The following SEMA3C variants were observed in gnomAD, a reference collection of about 807,000 sequenced individuals.
SEMA3C encodes semaphorin-3C.
In SEMA3C, 47 loss-of-function variants were observed where a neutral mutation model predicts 89.4. The observed-to-expected ratio is 0.53, with a 90% CI of 0.42 to 0.67. The LOEUF is 0.67. Among genes scored for constraint, SEMA3C ranks in the 30% least tolerant of loss-of-function variants. SEMA3C has a pLI of 0.00. For missense variants in SEMA3C, 839 were observed against 929.1 expected, an observed-to-expected ratio of 0.90 and a Z score of 1.26; for synonymous variants, 310 against 320.2, an observed-to-expected ratio of 0.97 and a Z score of 0.34.
At chr7:80,871,823 AT>A (rs1470653575) in intron 2 of SEMA3C, among the ~76,000 whole-genome samples, 1 of 152,202 alleles carries the variant, frequency 6.6e-6, no homozygotes, top group African/African-American at 2.4e-5. Flanking sequence ...TCAAAGAACT[AT>A]TTTTTGGTCT....
chr7:80,908,483 C>T (rs543031274), intron 2 of SEMA3C, among the ~76,000 whole-genome samples: 4 of 152,278 alleles, frequency 2.6e-5, no homozygotes, highest in South Asian at 2.1e-4. Flanking sequence ...AGATTCTGCT[C>T]GCTCTTTGGC....
intron 2 of SEMA3C, among the ~76,000 whole-genome samples, chr7:80,865,802 A>G (rs879794952): frequency 2.6e-5 from 4 of 152,216 alleles, no homozygotes; most frequent in Admixed American, 2.6e-4. Flanking sequence ...TCAGAAAAAA[A>G]TAAAATAAAA....
chr7:80,806,205 G>T (rs1166782501), intron 6 of SEMA3C, among the ~76,000 whole-genome samples: 1 of 152,084 alleles, frequency 6.6e-6, no homozygotes, highest in Non-Finnish European at 1.5e-5. Context: ...CTGGGAACTA[G>T]TGCTAAGCTA....
At chr7:80,911,806 T>C (rs1792157494) in intron 2 of SEMA3C, among the ~76,000 whole-genome samples, 1 of 152,044 alleles carries the variant, frequency 6.6e-6, no homozygotes, top group Non-Finnish European at 1.5e-5. Context: ...GCTAATTTTT[T>C]GTATTTTTAG....
At chr7:80,804,280 T>C (rs1361191969) in intron 7 of SEMA3C, 32 bp from the exon 8 acceptor site, 2 of 1,466,246 alleles carry the variant, frequency 1.4e-6, no homozygotes, top group Non-Finnish European at 9.1e-7. Context: ...TAGGTATATA[T>C]TCATTATGAA....
intron 12 of SEMA3C, among the ~76,000 whole-genome samples, chr7:80,777,490 C>T (rs150203105): frequency 0.11 from 16,414 of 152,106 alleles, 1,009 homozygotes; most frequent in Non-Finnish European, 0.14. Flanking sequence ...CGGGGTTTTG[C>T]CATGTTGGCC....
rs367651883 is a variant in SEMA3C, at chr7:80,896,677, G to C, written c.103+20002C>G. On this transcript the variant is annotated intron_variant, in intron 2 of 17. Transcript: ENST00000265361. ...CTCTTGTGACCCTCCATCAGTCCTGGTTGTTGTTTCTTCACAACTTGCTGT... is the reference window on the plus strand; with the variant it reads ...CTCTTGTGACCCTCCATCAGTCCTGCTTGTTGTTTCTTCACAACTTGCTGT... Among the ~76,000 whole-genome samples, 281 of 152,214 alleles carry C rather than the reference G, an allele frequency of 1.8e-3. 1 individual carries two copies. Among genetic ancestry groups the C allele is most frequent in the African/African-American group, 6.4e-3 (265 of 41,532 alleles).
chr7:80,745,010 G>A lies in SEMA3C; in HGVS notation c.2140C>T (p.Gln714Ter). The change falls in exon 18 of 18, where the codon CAG (glutamine) becomes TAG (stop). Residue 714 changes from glutamine (Q) to a stop codon, truncating the protein, a stop_gained. Coordinates refer to ENST00000265361, the MANE Select transcript of SEMA3C (RefSeq NM_006379.5). LOFTEE classifies it high-confidence loss of function. ...GATTCATCTCCCTGCTGATGTTGCT[G>A]CCGAGTGTCTTTGCAATATTGGTTA... The part of the protein sequence containing the change: ...MINQYCKDTR[Q>*]QHQQGDESQK... 1 of 1,614,082 alleles carries A rather than the reference G, an allele frequency of 6.2e-7. No homozygotes were observed. Among genetic ancestry groups the A allele is most frequent in the Non-Finnish European group, 8.5e-7 (1 of 1,179,988 alleles).
chr7:80,854,227 A>T (rs1790582433), intron 2 of SEMA3C, among the ~76,000 whole-genome samples: 1 of 152,196 alleles, frequency 6.6e-6, no homozygotes, highest in Non-Finnish European at 1.5e-5. Context: ...GAAAATGACA[A>T]AAAGCCTTTT....
chr7:80,886,104 T>C (rs773930144), intron 2 of SEMA3C, among the ~76,000 whole-genome samples: 2 of 152,194 alleles, frequency 1.3e-5, no homozygotes, highest in Admixed American at 1.3e-4. Context: ...AATAGAGACA[T>C]TGTTAATTAC....
chr7:80,904,248 C>A (rs575511319), intron 2 of SEMA3C, among the ~76,000 whole-genome samples: 2 of 152,222 alleles, frequency 1.3e-5, no homozygotes, highest in South Asian at 4.2e-4. Flanking sequence ...ACCATGTTGG[C>A]CAGGTTGGTC....
rs1252128141 is a variant in SEMA3C at position 80,810,641 on chromosome 7, G to A, written c.508C>T (p.Pro170Ser). The change falls in exon 6 of 18, where the codon CCC becomes TCC. Residue 170 changes from proline (P) to serine (S), a missense_variant. Pro to Ser is a moderately conservative substitution (Grantham distance 74). Coordinates refer to ENST00000265361, the MANE Select transcript of SEMA3C (RefSeq NM_006379.5). ...ATAACAGACACCGTGTTCACGTTGGGGTTGAAAGAGCAGCGTCCTTTTCCA... is the reference window on the plus strand; with the variant it reads ...ATAACAGACACCGTGTTCACGTTGGAGTTGAAAGAGCAGCGTCCTTTTCCA... ...ESGKGRCSFN[P>S]NVNTVSVMIN... 1 of 1,613,666 alleles carries A rather than the reference G, an allele frequency of 6.2e-7. No individual in the cohort carries two copies. Among genetic ancestry groups the A allele is most frequent in the African/African-American group, 1.3e-5 (1 of 75,026 alleles).
At position 80,876,441 on chromosome 7, in the gene SEMA3C, G is replaced by A. The variant is rs545587949; in HGVS notation, c.103+40238C>T. Among the ~76,000 whole-genome samples, 8 of 152,242 alleles carry A rather than the reference G, an allele frequency of 5.3e-5. No individual in the cohort carries two copies. In the South Asian group the frequency reaches 1.7e-3, roughly 32 times the overall value. On this transcript the variant is annotated intron_variant, in intron 2 of 17. Coordinates refer to ENST00000265361, the MANE Select transcript of SEMA3C (RefSeq NM_006379.5). ...CAGAGACTCTGGCACCAGATGGCTT[G>A]GTTTGAGCCCTGGATGCTCTACCAT...
chr7:80,918,958 G>T lies in SEMA3C; in HGVS notation c.-169C>A, dbSNP rs1035739460. 8.1e-6 allele frequency: 8 copies of T among 985,236 alleles called. No individual in the cohort carries two copies. Among genetic ancestry groups the T allele is most frequent in the East Asian group, 1.1e-4 (1 of 8,814 alleles). 61.0% of individuals were successfully genotyped at this position (985,236 alleles called of 1,614,324 possible). On this transcript the variant is annotated 5_prime_UTR_variant, in exon 1 of 18. Coordinates refer to ENST00000265361, the MANE Select transcript of SEMA3C (RefSeq NM_006379.5). ...CGCAAAGGTGAAATTCTTTCTTCCC[G>T]GTCCTCTGAGTTTCTTTGTAAAGGA...
chr7:80,899,630 A>T (rs566646455), intron 2 of SEMA3C, among the ~76,000 whole-genome samples: 1 of 152,302 alleles, frequency 6.6e-6, no homozygotes, highest in East Asian at 1.9e-4. Flanking sequence ...GACCAAGAGT[A>T]GAAAACTCCA....
chr7:80,811,016 C>T (rs1050643666), intron 5 of SEMA3C, among the ~76,000 whole-genome samples: 6 of 152,046 alleles, frequency 3.9e-5, no homozygotes, highest in African/African-American at 7.2e-5. Context: ...CAACTAGATG[C>T]GTTGAACATC....
rs1482595955 is a variant in SEMA3C, at chr7:80,743,547, CA to C, written c.*1346del. 1.3e-5 allele frequency: 2 copies of C among 151,668 alleles called. No individual in the cohort carries two copies. Among genetic ancestry groups the C allele is most frequent in the Admixed American group, 1.3e-4 (2 of 15,216 alleles). The allele number at this position is 151,668 out of a possible 1,614,324, so 9.4% of individuals were successfully genotyped here. On this transcript the variant is annotated 3_prime_UTR_variant, in exon 18 of 18. Coordinates refer to ENST00000265361, the MANE Select transcript of SEMA3C (RefSeq NM_006379.5). ...ATGTCTTAAAAGGTAAATAAAAAAGCAAAAGTAGTGTTTTTAAAATATATAT... is the reference window on the plus strand; with the variant it reads ...ATGTCTTAAAAGGTAAATAAAAAAGCAAAGTAGTGTTTTTAAAATATATAT...
chr7:80,903,749 T>C (rs1377331330), intron 2 of SEMA3C, among the ~76,000 whole-genome samples: 2 of 152,204 alleles, frequency 1.3e-5, no homozygotes, highest in East Asian at 3.8e-4. Flanking sequence ...CATTAGTGTG[T>C]TAAGTATCTA....
chr7:80,900,205 C>A (rs1308762419), intron 2 of SEMA3C, among the ~76,000 whole-genome samples: 2 of 152,054 alleles, frequency 1.3e-5, no homozygotes, highest in Non-Finnish European at 1.5e-5. Context: ...GCTCCACCTC[C>A]CGGGTTCACG....
Sources: gnomAD v4.1 joint callset for allele counts (sites outside exome capture counted in the v4.1 genomes callset) on GRCh38, gnomAD v4.1.1 for gene constraint, MANE v1.5 for transcripts, NCBI Gene and HGNC (gene_info 2026-07-23, HGNC 2026-07-21) for gene names.